The following TEX9 variants were observed in gnomAD, a reference collection of about 807,000 sequenced individuals.
The protein encoded by TEX9 is testis-expressed protein 9.
A neutral mutation model predicts 59.6 loss-of-function variants in TEX9; 74 were observed. That is an observed-to-expected ratio of 1.24 (90% confidence interval 1.03 to 1.51). TEX9 has a LOEUF of 1.51. Among genes scored for constraint, TEX9 ranks in the 40% most tolerant of loss-of-function variants. The pLI, the probability that TEX9 is intolerant of heterozygous loss-of-function variation, is 0.00. For synonymous variants in TEX9, 186 were observed against 152.2 expected, an observed-to-expected ratio of 1.22 and a Z score of -1.64; for missense variants, 522 against 447.8, an observed-to-expected ratio of 1.17 and a Z score of -1.49.
upstream of TEX9, among the ~76,000 whole-genome samples, chr15:56,362,462 T>G (rs2046807347): frequency 6.6e-6 from 1 of 152,236 alleles, no homozygotes. Flanking sequence ...ATATAGCGAC[T>G]CCAGCTTCCT....
intron 12 of TEX9, among the ~76,000 whole-genome samples, chr15:56,438,860 C>G (rs993523439): frequency 6.6e-6 from 1 of 152,140 alleles, no homozygotes; most frequent in African/African-American, 2.4e-5. Flanking sequence ...CAAAAGAAGA[C>G]ATTTATGCAG....
At chr15:56,459,719 C>G in the TEX9 span, among the ~76,000 whole-genome samples, 2 of 151,884 alleles carry the variant, frequency 1.3e-5, no homozygotes, top group South Asian at 2.1e-4. Context: ...CACGGTGGCT[C>G]ATGCCTGTAA....
At chr15:56,412,181 T>TGC (rs1431875005) in intron 9 of TEX9, 121 bp from the exon 10 acceptor site, 1 of 858,718 alleles carries the variant, frequency 1.2e-6, no homozygotes, top group African/African-American at 1.7e-5. Flanking sequence ...AGCGTGTGTG[T>TGC]GTGTGTGTGT....
At chr15:56,265,102 T>G (rs558914304) in intron 1 of TEX9, among the ~76,000 whole-genome samples, 1 of 152,272 alleles carries the variant, frequency 6.6e-6, no homozygotes, top group South Asian at 2.1e-4. Context: ...AAAAATTTTC[T>G]GCTTTCTTGA....
chr15:56,356,587 C>A (rs1596112806), intron 1 of TEX9, among the ~76,000 whole-genome samples: 1 of 152,118 alleles, frequency 6.6e-6, no homozygotes, highest in Non-Finnish European at 1.5e-5. Context: ...ATTTCACCCT[C>A]ATCTTGCAAT....
At chr15:56,310,845 G>A (rs3865004) in intron 1 of TEX9, among the ~76,000 whole-genome samples, 11 of 152,156 alleles carry the variant, frequency 7.2e-5, no homozygotes, top group Admixed American at 2.6e-4. Flanking sequence ...CTTCAGTGGC[G>A]CAACCCTGAA....
At chr15:56,444,659 T>C in intron 12 of TEX9, 1 of 1,611,238 alleles carries the variant, frequency 6.2e-7, no homozygotes. Context: ...TTTTGGCTAT[T>C]TCAGCATCAC....
At chr15:56,342,554 A>G (rs2046391834) in intron 1 of TEX9, among the ~76,000 whole-genome samples, 1 of 152,206 alleles carries the variant, frequency 6.6e-6, no homozygotes, top group Admixed American at 6.5e-5. Context: ...TCTTATGTGC[A>G]GGAGAAAAGT....
At chr15:56,448,881 G>GTAGC (rs2050927757), downstream of TEX9, among the ~76,000 whole-genome samples, 1 of 151,612 alleles carries the variant, frequency 6.6e-6, no homozygotes, top group African/African-American at 2.4e-5. Context: ...AGCCTCCCAG[G>GTAGC]TAGCTGGGAC....
rs1449437490 is a variant in TEX9 at position 56,394,842 on chromosome 15, T to G, written c.828+8T>G. ...TTGTCTTCAGTAGAAAGGGTAATTA[T>G]TTGGTATTTTTCCTAACTTAATGCC... On this transcript the variant is annotated splice_region_variant and intron_variant, in intron 9 of 12. Coordinates refer to ENST00000352903, the Ensembl canonical transcript of TEX9. 3 of 1,600,744 alleles carry G rather than the reference T, an allele frequency of 1.9e-6. No homozygotes were observed. The highest frequency in any genetic ancestry group is 2.6e-6 in the Non-Finnish European group (3 of 1,175,972).
At chr15:56,430,835 C>CTTTAGATTTCCTACACTAA (rs2050570415) in intron 12 of TEX9, among the ~76,000 whole-genome samples, 1 of 152,168 alleles carries the variant, frequency 6.6e-6, no homozygotes, top group Non-Finnish European at 1.5e-5. Flanking sequence ...TCTAGGGTAG[C>CTTTAGATTTCCTACACTAA]TTTAGATTTC....
At chr15:56,321,585 CA>C (rs1331062650) in intron 1 of TEX9, among the ~76,000 whole-genome samples, 3 of 152,140 alleles carry the variant, frequency 2.0e-5, no homozygotes, top group African/African-American at 7.2e-5. Flanking sequence ...AGGGAATTAG[CA>C]GGAACCTGAC....
intron 12 of TEX9, chr15:56,429,036 A>C: frequency 9.4e-7 from 1 of 1,061,490 alleles, no homozygotes; most frequent in Non-Finnish European, 1.4e-6. Flanking sequence ...ACTGTAAAAC[A>C]AAAGTTATGC....
chr15:56,381,474 G>C (rs745689879), intron 3 of TEX9, among the ~76,000 whole-genome samples: 1 of 152,166 alleles, frequency 6.6e-6, no homozygotes, highest in Non-Finnish European at 1.5e-5. Flanking sequence ...GTTTGTCACT[G>C]TCTAGGCATT....
intron 1 of TEX9, among the ~76,000 whole-genome samples, chr15:56,328,605 A>T (rs2046076430): frequency 6.6e-6 from 1 of 152,182 alleles, no homozygotes; most frequent in South Asian, 2.1e-4. Flanking sequence ...CTGACCAAAG[A>T]GCCCTTGGAC....
In TEX9 at chr15:56,383,119, C is replaced by T. The variant is rs568579431; in HGVS notation, c.184-833C>T. On this transcript the variant is annotated intron_variant, in intron 3 of 12. Transcript: ENST00000352903. ...CTATAGCTGGTCCAGATGCTTCCTC[C>T]ATGCATGGGTACTCAAAGTCTCCGC... Among the ~76,000 whole-genome samples, 8 of 152,320 alleles carry T rather than the reference C, an allele frequency of 5.3e-5. No homozygotes were observed. The South Asian group carries it at 1.0e-3, about 20-fold the overall frequency.
chr15:56,387,591 G>C (rs1201461114), intron 4 of TEX9, among the ~76,000 whole-genome samples: 1 of 151,916 alleles, frequency 6.6e-6, no homozygotes, highest in Non-Finnish European at 1.5e-5. Flanking sequence ...CTTCTCCAAT[G>C]GTTAGGAGTT....
intron 9 of TEX9, among the ~76,000 whole-genome samples, chr15:56,407,514 G>T (rs1260770764): frequency 6.6e-6 from 1 of 152,006 alleles, no homozygotes; most frequent in East Asian, 1.9e-4. Context: ...CTTGTATTAT[G>T]TTTATTATAT....
chr15:56,431,776 G>A (rs2050603895), intron 12 of TEX9, among the ~76,000 whole-genome samples: 1 of 151,862 alleles, frequency 6.6e-6, no homozygotes, highest in African/African-American at 2.4e-5. Context: ...AATATTCAAA[G>A]GAGTGACTGC....
Sources: gnomAD v4.1 joint callset for allele counts (sites outside exome capture counted in the v4.1 genomes callset) on GRCh38, gnomAD v4.1.1 for gene constraint, MANE v1.5 for transcripts, NCBI Gene and HGNC (gene_info 2026-07-23, HGNC 2026-07-21) for gene names.